The following MCM9 variants were observed in gnomAD, a reference collection of about 807,000 sequenced individuals.
MCM9 encodes the protein minichromosome maintenance 9 homologous recombination repair factor, also known as DNA helicase MCM9.
In MCM9, 55 loss-of-function variants were observed where a neutral mutation model predicts 72.8. That is an observed-to-expected ratio of 0.76 (90% confidence interval 0.61 to 0.95). The LOEUF is 0.95. MCM9 is among the 40% of genes least tolerant of loss of function. The pLI is 0.00. For synonymous variants in MCM9, 480 were observed against 503.4 expected (o/e 0.95, Z 0.62); for missense variants, 1,279 against 1,377.0 (o/e 0.93, Z 1.13).
intron 9 of MCM9, among the ~76,000 whole-genome samples, chr6:118,832,882 T>C (rs1029838768): frequency 6.6e-6 from 1 of 152,230 alleles, no homozygotes; most frequent in Non-Finnish European, 1.5e-5. Flanking sequence ...TGCTATATGT[T>C]CACCTAACCT....
chr6:118,830,934 CAGTATCAGCATT>C (rs1240716566), intron 9 of MCM9, among the ~76,000 whole-genome samples: 1 of 152,122 alleles, frequency 6.6e-6, no homozygotes, highest in South Asian at 2.1e-4. Context: ...GTGCTGGTGT[CAGTATCAGCATT>C]AGTATCAGCA....
chr6:118,894,273 GAA>G (rs1583571320), intron 8 of MCM9: 13 of 1,462,744 alleles, frequency 8.9e-6, no homozygotes, highest in Non-Finnish European at 1.2e-5. Context: ...ATAAAAAGAG[GAA>G]AAAAGTTTCT....
At chr6:118,918,628 G>A (rs945221058) in intron 5 of MCM9, 2 of 152,136 alleles carry the variant, frequency 1.3e-5, no homozygotes, top group African/African-American at 4.8e-5. Context: ...AAACAAACAT[G>A]AAAAAAATCA....
Position 118,815,344 on chromosome 6 carries a change from G to A in MCM9, c.2912C>T (p.Pro971Leu). The change falls in exon 14 of 14, where the codon CCA (proline) becomes CTA (leucine). Residue 971 changes from proline (P) to leucine (L), a missense_variant. Physicochemically the swap from Pro to Leu is moderately conservative, Grantham distance 98 (BLOSUM62 -3). Coordinates refer to ENST00000619706, the MANE Select transcript of MCM9 (RefSeq NM_017696.3). ...TCCTGGGGTAGATGTTAACTTTCCT[G>A]GACGCTTCACCGGCAAGGCTGCGTC... ...RRDAALPVKR[P>L]GKLTSTPGNQ... The A allele has an allele frequency of 6.5e-7, 1 of 1,550,224 alleles. No individual in the cohort carries two copies. Among genetic ancestry groups the A allele is most frequent in the Non-Finnish European group, 8.7e-7 (1 of 1,146,684 alleles).
chr6:118,925,020 G>C (rs1214756325), intron 3 of MCM9, among the ~76,000 whole-genome samples: 3 of 151,770 alleles, frequency 2.0e-5, no homozygotes, highest in African/African-American at 7.3e-5. Flanking sequence ...CTCCAGTTTG[G>C]GGAACAGAGG....
At chr6:118,914,943 A>G (rs1186395596) in intron 6 of MCM9, among the ~76,000 whole-genome samples, 1 of 152,226 alleles carries the variant, frequency 6.6e-6, no homozygotes, top group East Asian at 1.9e-4. Flanking sequence ...TTATAATGGT[A>G]TCAAGACAGA....
intron 8 of MCM9, among the ~76,000 whole-genome samples, chr6:118,860,635 AG>A (rs1363389490): frequency 6.6e-6 from 1 of 152,290 alleles, no homozygotes; most frequent in East Asian, 1.9e-4. Flanking sequence ...TGAATGCCCA[AG>A]AAAACCCTAC....
chr6:118,815,825 T>C lies in MCM9; in HGVS notation c.2431A>G (p.Arg811Gly). 6.5e-7 allele frequency: 1 copy of C among 1,539,352 alleles called. No individual in the cohort carries two copies. The highest frequency in any genetic ancestry group is 8.7e-7 in the Non-Finnish European group (1 of 1,147,024). The change falls in exon 14 of 14, where the codon AGG becomes GGG. Residue 811 changes from arginine (R) to glycine (G), a missense_variant. Physicochemically the swap from Arg to Gly is moderately radical, Grantham distance 125. Transcript: ENST00000619706. Reference sequence around the variant, plus strand: ...TTGTTACTTTCCACATTGTCTGCCCTCCATGGAACACCTGTCTCTCCTGGT... The same window carrying C: ...TTGTTACTTTCCACATTGTCTGCCCCCCATGGAACACCTGTCTCTCCTGGT... ...PSPGETGVPWRADNVESNKKK... is the reference protein window; with the variant it reads ...PSPGETGVPWGADNVESNKKK...
chr6:118,886,729 G>A (rs1228391480), intron 8 of MCM9, among the ~76,000 whole-genome samples: 1 of 152,200 alleles, frequency 6.6e-6, no homozygotes, highest in African/African-American at 2.4e-5. Flanking sequence ...TGAAGTGGGA[G>A]GGTGGCTTGA....
intron 13 of MCM9, among the ~76,000 whole-genome samples, chr6:118,820,383 A>G (rs1250270414): frequency 1.3e-5 from 2 of 152,090 alleles, no homozygotes; most frequent in African/African-American, 2.4e-5. Flanking sequence ...TTATTTACCC[A>G]GTAGTCATTT....
At chr6:118,894,813 C>G (rs944088341) in intron 8 of MCM9, among the ~76,000 whole-genome samples, 2 of 152,220 alleles carry the variant, frequency 1.3e-5, no homozygotes, top group African/African-American at 4.8e-5. Flanking sequence ...GACCCGCACT[C>G]GCTCCCGCTG....
Position 118,826,753 on chromosome 6 carries a change from TA to T in MCM9, c.1815+28del, listed in dbSNP as rs565830293. On this transcript the variant is annotated intron_variant, in intron 12 of 13. Coordinates refer to ENST00000619706, the MANE Select transcript of MCM9 (RefSeq NM_017696.3). ...AAAAAAAGAAAGTTTGTAATTAGGA[TA>T]AAAATTAGGTACACAAAATATCCTT... is the stretch of plus-strand genomic sequence containing the variant. The T allele has an allele frequency of 9.1e-4, 1,362 of 1,490,318 alleles. 1 individual carries two copies. The highest frequency in any genetic ancestry group is 1.1e-3 in the Non-Finnish European group (1,179 of 1,109,266). The allele number at this position is 1,490,318 out of a possible 1,614,324, so 92.3% of individuals were successfully genotyped here. A position where few individuals can be genotyped will look rare whatever the true frequency, so the allele number is the denominator to read the frequency against.
Position 118,815,092 on chromosome 6 carries a change from A to G in MCM9, c.3164T>C (p.Leu1055Ser). 3 of 1,550,848 alleles carry G rather than the reference A, an allele frequency of 1.9e-6. No individual in the cohort carries two copies. Among genetic ancestry groups the G allele is most frequent in the Non-Finnish European group, 2.6e-6 (3 of 1,147,048 alleles). ...NKSGKVHACT[L>S]ARLANFCFTP... is the part of the protein sequence containing the mutation. ...AAAGCAGAAGTTTGCCAATCTGGCT[A>G]ATGTGCAGGCATGAACCTTGCCGCT... The change falls in exon 14 of 14, where the codon TTA becomes TCA. Residue 1055 changes from leucine to serine, a missense_variant. Leu to Ser is a moderately radical substitution (Grantham distance 145, BLOSUM62 -2). Transcript: ENST00000619706.
At position 118,815,538 on chromosome 6, in the gene MCM9, T is replaced by G; in HGVS notation, c.2718A>C (p.Ala906=). The G allele has an allele frequency of 1.9e-6, 3 of 1,548,750 alleles. No individual in the cohort carries two copies. The highest frequency in any genetic ancestry group is 1.7e-6 in the Non-Finnish European group (2 of 1,146,544). Residue 906 remains alanine, a synonymous_variant, in exon 14 of 14, where the codon GCA becomes GCC. Coordinates refer to ENST00000619706, the MANE Select transcript of MCM9 (RefSeq NM_017696.3). ...AACCTGGAGGCTTAACATTTTCAATTGCAGGCTCTTCCACTTGCGCAAGGG... is the reference window on the plus strand; with the variant it reads ...AACCTGGAGGCTTAACATTTTCAATGGCAGGCTCTTCCACTTGCGCAAGGG... The part of the protein sequence containing the change: ...PKSLAQVEEP[A]IENVKPPGSP...
intron 13 of MCM9, among the ~76,000 whole-genome samples, chr6:118,821,936 G>T (rs989658324): frequency 1.3e-5 from 2 of 152,050 alleles, no homozygotes; most frequent in Admixed American, 6.6e-5. Flanking sequence ...ACTTGTGTAT[G>T]CTTCATGAAG....
In MCM9 at chr6:118,931,738, AC is replaced by A; in HGVS notation, c.-15-1del. The A allele has an allele frequency of 6.4e-7, 1 of 1,572,880 alleles. No individual in the cohort carries two copies. ...TCGCTATTCATCTTGAATCTAGGTAACTAAAGAAAAAAAAAAGGATCATATT... is the reference window on the plus strand; with the variant it reads ...TCGCTATTCATCTTGAATCTAGGTAATAAAGAAAAAAAAAAGGATCATATT... On this transcript the variant is annotated splice_acceptor_variant, in intron 2 of 13. Coordinates refer to ENST00000619706, the MANE Select transcript of MCM9 (RefSeq NM_017696.3). LOFTEE classifies it low-confidence loss of function (5UTR_SPLICE).
At chr6:118,873,721 C>G (rs1312959425) in intron 8 of MCM9, among the ~76,000 whole-genome samples, 1 of 152,180 alleles carries the variant, frequency 6.6e-6, no homozygotes, top group African/African-American at 2.4e-5. Flanking sequence ...GACATGAATT[C>G]TCTACAATCT....
chr6:118,829,928 T>C (rs73766831), intron 9 of MCM9, among the ~76,000 whole-genome samples: 6 of 152,064 alleles, frequency 3.9e-5, no homozygotes, highest in Admixed American at 3.3e-4. Context: ...TGATTTGGCA[T>C]TGAGTTTTTG....
At chr6:118,929,132 A>T (rs1364632188) in intron 3 of MCM9, among the ~76,000 whole-genome samples, 1 of 152,130 alleles carries the variant, frequency 6.6e-6, no homozygotes, top group Non-Finnish European at 1.5e-5. Flanking sequence ...AGGCAGGAGG[A>T]TTGCTTGAAC....
Sources: allele counts gnomAD v4.1 joint callset (sites outside exome capture counted in the v4.1 genomes callset), GRCh38; gene constraint gnomAD v4.1.1; transcripts MANE v1.5; gene names NCBI Gene and HGNC (gene_info 2026-07-23, HGNC 2026-07-21).